Variants in PCDH11X observed in about 807,000 individuals in gnomAD.
The protein encoded by PCDH11X is protocadherin-11 X-linked.
In PCDH11X, 18 loss-of-function variants were observed where a neutral mutation model predicts 53.3. The ratio of observed to expected loss-of-function variants is 0.34; its 90% CI spans 0.23 to 0.50. The LOEUF is 0.50. Ranked by LOEUF, PCDH11X falls within the 20% of genes least tolerant of loss-of-function variation. PCDH11X has a pLI of 0.98. For synonymous variants in PCDH11X, 279 were observed against 393.3 expected (o/e 0.71, Z 3.44); for missense variants, 570 against 1,032.4 (o/e 0.55, Z 6.14).
intron 9 of PCDH11X, among the ~76,000 whole-genome samples, chrX:92,421,314 CA>C (rs1443333904): frequency 9.6e-6 from 1 of 104,393 alleles, no homozygotes; most frequent in African/African-American, 3.7e-5. Flanking sequence ...TCTTTGTGTC[CA>C]TATGTACTCA....
intron 5 of PCDH11X, among the ~76,000 whole-genome samples, chrX:91,843,563 C>T (rs1346485116): frequency 9.0e-6 from 1 of 110,734 alleles, no homozygotes; most frequent in Non-Finnish European, 1.9e-5. Flanking sequence ...AGTGATCCTC[C>T]TGCCTCGGCC....
At chrX:92,025,449 G>GA (rs1266051405) in intron 6 of PCDH11X, among the ~76,000 whole-genome samples, 4 of 97,169 alleles carry the variant, frequency 4.1e-5, no homozygotes, top group African/African-American at 1.5e-4. Context: ...ACAACCTTAT[G>GA]AAAAAAAGAT....
chrX:91,854,572 C>T (rs1938213826), intron 5 of PCDH11X, among the ~76,000 whole-genome samples: 1 of 112,188 alleles, frequency 8.9e-6, no homozygotes, highest in South Asian at 3.7e-4. Context: ...TTTGAGGAAC[C>T]TCCAAACTGT....
chrX:92,391,215 A>C (rs1394592411), intron 9 of PCDH11X, among the ~76,000 whole-genome samples: 1 of 105,754 alleles, frequency 9.5e-6, no homozygotes, highest in Admixed American at 1.0e-4. Context: ...AAGCTAGTTA[A>C]TTTGTTAAAA....
chrX:92,367,584 A>G (rs2070506361), intron 8 of PCDH11X, among the ~76,000 whole-genome samples: 1 of 111,408 alleles, frequency 9.0e-6, no homozygotes, highest in South Asian at 3.8e-4. Flanking sequence ...CAGTTTCTCC[A>G]TAGTGTCATT....
chrX:92,223,024 T>G (rs1235873522), intron 7 of PCDH11X, among the ~76,000 whole-genome samples: 1 of 112,282 alleles, frequency 8.9e-6, no homozygotes, highest in East Asian at 2.8e-4. Flanking sequence ...TTTGCTCTGT[T>G]GCTCAGGCTG....
chrX:91,846,232 T>G (rs768409194), intron 5 of PCDH11X, among the ~76,000 whole-genome samples: 19 of 111,789 alleles, frequency 1.7e-4, no homozygotes, highest in African/African-American at 5.8e-4. Flanking sequence ...ACACAATTAT[T>G]TTTGTTTCTT....
rs1190461868 is a variant in PCDH11X, at chrX:92,035,688, G to A, written c.3033+156415G>A. Among the ~76,000 whole-genome samples, 5 of 33,547 alleles carry A rather than the reference G, an allele frequency of 1.5e-4. No individual in the cohort carries two copies. The South Asian group carries it at 9.4e-3, about 63-fold the overall frequency. 29.1% of individuals were successfully genotyped at this position (33,547 alleles called of 115,157 possible). A position where few individuals can be genotyped will look rare whatever the true frequency, so the allele number is the denominator to read the frequency against. On this transcript the variant is annotated intron_variant, in intron 6 of 10. Transcript: ENST00000682573. ...ACTTGAATGTTGATATCACTCTCTA[G>A]GTTTGAGAAATTTCCTGATATTATC...
At chrX:92,476,836 G>A (rs1351277314) in intron 10 of PCDH11X, among the ~76,000 whole-genome samples, 1 of 47,022 alleles carries the variant, frequency 2.1e-5, no homozygotes, top group Non-Finnish European at 3.2e-5. Flanking sequence ...GGCTTGTATA[G>A]GTACTGCCTT....
intron 6 of PCDH11X, among the ~76,000 whole-genome samples, chrX:92,148,220 G>T (rs1427746786): frequency 5.6e-5 from 3 of 53,848 alleles, no homozygotes; most frequent in African/African-American, 7.5e-5. Context: ...CCCTTTCCCT[G>T]TCTCTTTCCC....
At chrX:91,812,486 C>A (rs1312046357) in intron 4 of PCDH11X, among the ~76,000 whole-genome samples, 1 of 110,695 alleles carries the variant, frequency 9.0e-6, no homozygotes, top group Admixed American at 9.7e-5. Flanking sequence ...TCAAGTTTTC[C>A]GTTCATTGAA....
intron 4 of PCDH11X, among the ~76,000 whole-genome samples, chrX:91,820,448 T>C (rs1189268785): frequency 2.3e-5 from 2 of 87,307 alleles, no homozygotes; most frequent in African/African-American, 5.6e-5. Flanking sequence ...TTTCATGTGT[T>C]TTTTGGCTGC....
intron 6 of PCDH11X, among the ~76,000 whole-genome samples, chrX:91,933,097 A>C (rs1253487845): frequency 9.5e-6 from 1 of 105,581 alleles, no homozygotes; most frequent in East Asian, 3.0e-4. Flanking sequence ...CCTGAGTACC[A>C]CTATTTGGAT....
intron 6 of PCDH11X, among the ~76,000 whole-genome samples, chrX:91,956,973 A>G (rs1418312355): frequency 9.7e-6 from 1 of 103,302 alleles, no homozygotes; most frequent in South Asian, 4.6e-4. Flanking sequence ...TTTTTTCTCT[A>G]TTTTTGTCTG....
At chrX:92,219,404 C>G (rs1420321666) in intron 7 of PCDH11X, among the ~76,000 whole-genome samples, 1 of 110,973 alleles carries the variant, frequency 9.0e-6, no homozygotes, top group Non-Finnish European at 1.9e-5. Flanking sequence ...ACACCAATAA[C>G]AGACAAACAG....
chrX:92,215,210 G>A (rs1021506945), intron 7 of PCDH11X, among the ~76,000 whole-genome samples: 5 of 110,425 alleles, frequency 4.5e-5, no homozygotes, highest in African/African-American at 1.3e-4. Context: ...GCAGGACAGT[G>A]GTTGCAGCGC....
chrX:92,283,773 G>A (rs1332817063), intron 8 of PCDH11X, among the ~76,000 whole-genome samples: 1 of 111,530 alleles, frequency 9.0e-6, no homozygotes, highest in Non-Finnish European at 1.9e-5. Context: ...GAGGCTCATA[G>A]AAATTATTTT....
At chrX:91,808,321 C>G (rs1208591207) in intron 1 of PCDH11X, among the ~76,000 whole-genome samples, 24 of 107,930 alleles carry the variant, frequency 2.2e-4, no homozygotes, top group African/African-American at 8.1e-4. Context: ...ACGGTGAAAC[C>G]CTGTCTCAAC....
intron 6 of PCDH11X, among the ~76,000 whole-genome samples, chrX:91,913,862 T>A (rs1602484068): frequency 9.1e-6 from 1 of 109,819 alleles, no homozygotes; most frequent in African/African-American, 3.3e-5. Flanking sequence ...CAACACCTAA[T>A]TTCACTGCCT....
Sources: allele counts gnomAD v4.1 joint callset (sites outside exome capture counted in the v4.1 genomes callset), GRCh38; gene constraint gnomAD v4.1.1; transcripts MANE v1.5; gene names NCBI Gene and HGNC (gene_info 2026-07-23, HGNC 2026-07-21).